The following TP53BP2 variants were observed in gnomAD, a reference collection of about 807,000 sequenced individuals.
TP53BP2 encodes the protein tumor protein p53 binding protein 2.
A neutral mutation model predicts 126.2 loss-of-function variants in TP53BP2; 62 were observed. The observed-to-expected ratio is 0.49, with a 90% CI of 0.40 to 0.61. TP53BP2 has a LOEUF of 0.61. Among genes scored for constraint, TP53BP2 ranks in the 20% least tolerant of loss-of-function variants. The probability of loss-of-function intolerance (pLI) is 0.00; values close to 1 mark genes in which losing one functional copy is unlikely to be tolerated. For synonymous variants in TP53BP2, 485 were observed against 502.9 expected, an observed-to-expected ratio of 0.96 and a Z score of 0.48; for missense variants, 1,215 against 1,402.8, an observed-to-expected ratio of 0.87 and a Z score of 2.14.
At chr1:223,832,048 AC>A (rs1663752557) in intron 1 of TP53BP2, among the ~76,000 whole-genome samples, 1 of 152,096 alleles carries the variant, frequency 6.6e-6, no homozygotes, top group African/African-American at 2.4e-5. Context: ...AAGAGGAAAT[AC>A]AAAAAAAAAA....
chr1:223,832,534 T>C (rs1663776055), intron 1 of TP53BP2, among the ~76,000 whole-genome samples: 1 of 152,234 alleles, frequency 6.6e-6, no homozygotes. Flanking sequence ...AGGCTTCCTA[T>C]AACCCAGTCA....
intron 3 of TP53BP2, 41 bp from the exon 4 acceptor site, chr1:223,810,554 T>C (rs1662876872): frequency 7.5e-7 from 1 of 1,338,966 alleles, no homozygotes; most frequent in Middle Eastern, 1.8e-4. Context: ...ACACTAGAGT[T>C]GACAGATATT....
intron 2 of TP53BP2, among the ~76,000 whole-genome samples, chr1:223,820,566 A>G (rs778118843): frequency 1.3e-5 from 2 of 152,222 alleles, no homozygotes; most frequent in African/African-American, 4.8e-5. Flanking sequence ...GAAGTTAGCT[A>G]TCATGAATGG....
At chr1:223,782,447 G>C (rs956635151) in intron 17 of TP53BP2, among the ~76,000 whole-genome samples, 10 of 152,170 alleles carry the variant, frequency 6.6e-5, no homozygotes, top group Admixed American at 2.0e-4. Context: ...AGCAACTGAG[G>C]GTGCTTGAAA....
chr1:223,798,655 T>A lies in TP53BP2; in HGVS notation c.1508A>T (p.Lys503Ile), dbSNP rs1470141471. 1.2e-6 allele frequency: 2 copies of A among 1,608,056 alleles called. No individual in the cohort carries two copies. Among genetic ancestry groups the A allele is most frequent in the East Asian group, 4.5e-5 (2 of 44,836 alleles). The change falls in exon 12 of 18, where the codon AAA becomes ATA. Residue 503 changes from lysine (K) to isoleucine (I), a missense_variant. This residue lies in a region of TP53BP2 where 814 missense variants were observed against 853.0 expected (regional missense o/e 0.95). Transcript: ENST00000343537. ...TTTTGTAGGAACAGGAGGTGGTACT[T>A]TAGCCACATTTTTATTTGCAACCTA... ...DAQVANKNVA[K>I]VPPPVPTKPK...
intron 5 of TP53BP2, among the ~76,000 whole-genome samples, chr1:223,804,876 T>C (rs2102856034): frequency 6.6e-6 from 1 of 152,306 alleles, no homozygotes; most frequent in South Asian, 2.1e-4. Flanking sequence ...GAAGATTAAA[T>C]GAAGTGTGAA....
At chr1:223,795,731 CT>C in intron 13 of TP53BP2, 83 bp downstream of exon 13, 1 of 1,283,414 alleles carries the variant, frequency 7.8e-7, no homozygotes, top group East Asian at 2.5e-5. Context: ...AAAATGCAAA[CT>C]GGAGAAGATG....
chr1:223,812,576 T>C (rs971661276), intron 3 of TP53BP2, among the ~76,000 whole-genome samples: 1 of 151,918 alleles, frequency 6.6e-6, no homozygotes, highest in Admixed American at 6.6e-5. Flanking sequence ...TTGTTTTCGT[T>C]TTTTCAGATG....
At chr1:223,792,100 G>A (rs1662175299) in intron 15 of TP53BP2, among the ~76,000 whole-genome samples, 1 of 152,156 alleles carries the variant, frequency 6.6e-6, no homozygotes, top group Admixed American at 6.5e-5. Flanking sequence ...TCTCTCTTAA[G>A]CTTTGCTTAA....
At chr1:223,835,824 A>G (rs1483190151) in intron 1 of TP53BP2, among the ~76,000 whole-genome samples, 1 of 152,218 alleles carries the variant, frequency 6.6e-6, no homozygotes, top group Non-Finnish European at 1.5e-5. Flanking sequence ...ACAATGAAGA[A>G]GCACTGCAAA....
Position 223,842,273 on chromosome 1 carries a change from T to C in TP53BP2, c.27+3381A>G, listed in dbSNP as rs562233614. Among the ~76,000 whole-genome samples the C allele has an allele frequency of 2.0e-3, 298 of 152,356 alleles. 3 individuals are homozygous for C. Among genetic ancestry groups the C allele is most frequent in the Non-Finnish European group, 3.4e-3 (228 of 68,038 alleles). On this transcript the variant is annotated intron_variant, in intron 1 of 17. Transcript: ENST00000343537. ...TTCTTAAAACCATCTATATAAGGGC[T>C]ATATGATGACATCGGTTTGACTGCA... is the stretch of plus-strand genomic sequence containing the variant.
At chr1:223,837,227 G>A (rs1002650069) in intron 1 of TP53BP2, among the ~76,000 whole-genome samples, 9 of 151,836 alleles carry the variant, frequency 5.9e-5, no homozygotes, top group Admixed American at 1.3e-4. Flanking sequence ...TGGTCATGTG[G>A]TCAAAAGTAA....
At chr1:223,803,014 C>T in intron 7 of TP53BP2, 119 bp from the exon 8 acceptor site, 1 of 1,094,526 alleles carries the variant, frequency 9.1e-7, no homozygotes. Flanking sequence ...TCCACCCCTC[C>T]ACACTTCTCA....
At chr1:223,795,704 A>C in intron 13 of TP53BP2, 111 bp downstream of exon 13, 1 of 1,016,350 alleles carries the variant, frequency 9.8e-7, no homozygotes, top group Non-Finnish European at 1.4e-6. Context: ...ACTCTGTGCC[A>C]AGGGAATCGT....
intron 16 of TP53BP2, among the ~76,000 whole-genome samples, chr1:223,786,632 A>G (rs1661972944): frequency 6.9e-6 from 1 of 144,582 alleles, no homozygotes; most frequent in African/African-American, 2.6e-5. Flanking sequence ...CCCGAGATGG[A>G]GTCTCGCTCT....
At position 223,780,780 on chromosome 1, in the gene TP53BP2, T is replaced by G; in HGVS notation, c.*73A>C. The G allele has an allele frequency of 6.7e-7, 1 of 1,492,866 alleles. No homozygotes were observed. The allele number at this position is 1,492,866 out of a possible 1,614,324, so 92.5% of individuals were successfully genotyped here. A position where few individuals can be genotyped will look rare whatever the true frequency, so the allele number is the denominator to read the frequency against. On this transcript the variant is annotated 3_prime_UTR_variant, in exon 18 of 18. Coordinates refer to ENST00000343537, the MANE Select transcript of TP53BP2 (RefSeq NM_001031685.3). ...ATTAAAATAAGTCTTGTGAAATTTT[T>G]GCCAAAAATAATCGTATTACTTCTT...
chr1:223,842,360 C>T (rs1664127918), intron 1 of TP53BP2, among the ~76,000 whole-genome samples: 2 of 152,210 alleles, frequency 1.3e-5, no homozygotes, highest in South Asian at 2.1e-4. Context: ...AACTCAGGTT[C>T]AGTTCTTCAG....
At chr1:223,800,845 C>G in intron 9 of TP53BP2, 35 bp from the exon 10 acceptor site, 1 of 1,455,822 alleles carries the variant, frequency 6.9e-7, no homozygotes. Flanking sequence ...AATAACTCAG[C>G]ATTCTAAAGA....
chr1:223,831,480 A>AAAAATATATATATATAT (rs1287271743), intron 1 of TP53BP2, among the ~76,000 whole-genome samples: 1 of 32,464 alleles, frequency 3.1e-5, no homozygotes, highest in Non-Finnish European at 6.5e-5. Context: ...AAAAAAAAAA[A>AAAAATATATATATATAT]ATATATATAT....
Sources: allele counts gnomAD v4.1 joint callset (sites outside exome capture counted in the v4.1 genomes callset), GRCh38; gene constraint gnomAD v4.1.1; regional missense constraint gnomAD v4.1.1; transcripts MANE v1.5; gene names NCBI Gene and HGNC (gene_info 2026-07-23, HGNC 2026-07-21).